Variants in GALR1 observed in about 807,000 individuals in gnomAD.
The protein encoded by GALR1 is galanin receptor 1.
Under a neutral mutation model 17.9 loss-of-function variants are expected in GALR1, and 11 were observed. That is an observed-to-expected ratio of 0.62 (90% CI 0.39 to 1.02). The LOEUF (loss-of-function observed/expected upper bound fraction) is 1.02, where lower values mean the gene tolerates loss of function less well. Among genes scored for constraint, GALR1 ranks in the 50% least tolerant of loss-of-function variants. The pLI is 0.01. For synonymous variants in GALR1, 206 were observed against 205.7 expected, an observed-to-expected ratio of 1.00 and a Z score of -0.01; for missense variants, 441 against 456.9, an observed-to-expected ratio of 0.97 and a Z score of 0.32.
chr18:77,265,558 T>C (rs1912927768), intron 2 of GALR1, among the ~76,000 whole-genome samples: 6 of 152,214 alleles, frequency 3.9e-5, no homozygotes, highest in Admixed American at 2.6e-4. Context: ...GGAGTCTGTG[T>C]GGGAGCTCTG....
In GALR1 at chr18:77,272,835, A is replaced by T. The variant is rs968698604; in HGVS notation, c.*3933A>T. The T allele has an allele frequency of 6.6e-6, 1 of 152,242 alleles. No individual in the cohort carries two copies. The highest frequency in any genetic ancestry group is 2.4e-5 in the African/African-American group (1 of 41,468). 9.4% of individuals were successfully genotyped at this position (152,242 alleles called of 1,614,324 possible). Reference sequence around the variant, plus strand: ...TGGCCTGGAAAGAACAAAATTATGAAATGGTAATTATATCTGATTTTATTT... The same window carrying T: ...TGGCCTGGAAAGAACAAAATTATGATATGGTAATTATATCTGATTTTATTT... On this transcript the variant is annotated 3_prime_UTR_variant, in exon 3 of 3. Coordinates refer to ENST00000299727, the MANE Select transcript of GALR1 (RefSeq NM_001480.4).
chr18:77,258,709 G>GATGGCCATGGTGGTGATGGTA, intron 2 of GALR1, among the ~76,000 whole-genome samples: 1 of 137,392 alleles, frequency 7.3e-6, no homozygotes, highest in African/African-American at 2.8e-5. Flanking sequence ...GTCATGTGAT[G>GATGGCCATGGTGGTGATGGTA]GTGGTGCTGG....
At chr18:77,258,789 T>TCAC (rs1912689209) in intron 2 of GALR1, among the ~76,000 whole-genome samples, 1 of 111,576 alleles carries the variant, frequency 9.0e-6, no homozygotes, top group Non-Finnish European at 1.9e-5. Context: ...GTGGTGGTGG[T>TCAC]GGTGGTGATG....
chr18:77,257,883 G>A lies in GALR1; in HGVS notation c.732+1660G>A, dbSNP rs567320388. Among the ~76,000 whole-genome samples the A allele has an allele frequency of 3.9e-5, 6 of 152,342 alleles. No individual in the cohort carries two copies. The South Asian group carries it at 8.3e-4, about 21-fold the overall frequency. ...GGATTGGGCTCGTCAAACTTTAACT[G>A]AGAAGACACCATTGATCTGTGATAA... On this transcript the variant is annotated intron_variant, in intron 2 of 2. Transcript: ENST00000299727.
rs1913137423 is a variant in GALR1, at chr18:77,275,416, G to A, written c.*6514G>A. 1 of 152,254 alleles carries A rather than the reference G, an allele frequency of 6.6e-6. No homozygotes were observed. Among genetic ancestry groups the A allele is most frequent in the Non-Finnish European group, 1.5e-5 (1 of 68,074 alleles). The allele number at this position is 152,254 out of a possible 1,614,324, so 9.4% of individuals were successfully genotyped here. A position where few individuals can be genotyped will look rare whatever the true frequency, so the allele number is the denominator to read the frequency against. On this transcript the variant is annotated 3_prime_UTR_variant, in exon 3 of 3. Transcript: ENST00000299727. ...TGCTCCTCTAAGGAGATTTGAGCAG[G>A]TGAATGGAGTTTCTGTCATTCCTGG... is the stretch of plus-strand genomic sequence containing the variant.
At position 77,272,070 on chromosome 18, in the gene GALR1, G is replaced by T. The variant is rs923303857; in HGVS notation, c.*3168G>T. The T allele has an allele frequency of 6.6e-6, 1 of 152,092 alleles. No homozygotes were observed. Among genetic ancestry groups the T allele is most frequent in the Non-Finnish European group, 1.5e-5 (1 of 68,018 alleles). 9.4% of individuals were successfully genotyped at this position (152,092 alleles called of 1,614,324 possible). On this transcript the variant is annotated 3_prime_UTR_variant, in exon 3 of 3. Transcript: ENST00000299727. ...ACACATTGGGAGTAAAACCATTTCC[G>T]CCCCATCCCAATCTCTTGTGCTTTT...
intron 2 of GALR1, among the ~76,000 whole-genome samples, chr18:77,265,678 T>C (rs1242473311): frequency 6.6e-6 from 1 of 152,204 alleles, no homozygotes; most frequent in Non-Finnish European, 1.5e-5. Context: ...TCCTCTGAAA[T>C]CTAGATGGAG....
Position 77,268,912 on chromosome 18 carries a change from G to A in GALR1, c.*10G>A, listed in dbSNP as rs1013468870. 1.8e-5 allele frequency: 29 copies of A among 1,595,890 alleles called. No individual in the cohort carries two copies. The highest frequency in any genetic ancestry group is 2.0e-5 in the Non-Finnish European group (23 of 1,165,414). The stretch of plus-strand genomic sequence containing the variant: ...TTGTACTCATGTGTGATAAAAGATA[G>A]AGTATCCTTATGGTTGAGTTTCCAT... On this transcript the variant is annotated 3_prime_UTR_variant, in exon 3 of 3. Coordinates refer to ENST00000299727, the MANE Select transcript of GALR1 (RefSeq NM_001480.4).
At chr18:77,261,067 C>T (rs916150833) in intron 2 of GALR1, among the ~76,000 whole-genome samples, 1 of 151,588 alleles carries the variant, frequency 6.6e-6, no homozygotes, top group Non-Finnish European at 1.5e-5. Flanking sequence ...TTCCATTAGA[C>T]ATATTGTGAG....
chr18:77,255,692 A>C (rs1423938357), intron 1 of GALR1, among the ~76,000 whole-genome samples: 5 of 152,240 alleles, frequency 3.3e-5, no homozygotes, highest in African/African-American at 1.2e-4. Flanking sequence ...TGCTTTCCGC[A>C]TCAGATGGTG....
Position 77,275,201 on chromosome 18 carries a change from G to A in GALR1, c.*6299G>A, listed in dbSNP as rs181210371. 4 of 152,402 alleles carry A rather than the reference G, an allele frequency of 2.6e-5. No individual in the cohort carries two copies. Among genetic ancestry groups the A allele is most frequent in the East Asian group, 1.9e-4 (1 of 5,184 alleles). 9.4% of individuals were successfully genotyped at this position (152,402 alleles called of 1,614,324 possible). A position where few individuals can be genotyped will look rare whatever the true frequency, so the allele number is the denominator to read the frequency against. On this transcript the variant is annotated 3_prime_UTR_variant, in exon 3 of 3. Coordinates refer to ENST00000299727, the MANE Select transcript of GALR1 (RefSeq NM_001480.4). ...ATCTCTGAGAATTCGTTCCCTGTGG[G>A]TGTCTGGGGTGCATCGTTACTTCTG...
rs1486514803 is a variant in GALR1 at position 77,273,368 on chromosome 18, A to C, written c.*4466A>C. ...ATAAGAAGGGAAGGTGGGGCCGGGC[A>C]TGTGACTTATGCCTGTAATCCCAGC... On this transcript the variant is annotated 3_prime_UTR_variant, in exon 3 of 3. Transcript: ENST00000299727. The C allele has an allele frequency of 6.6e-6, 1 of 152,332 alleles. No individual in the cohort carries two copies. The highest frequency in any genetic ancestry group is 6.5e-5 in the Admixed American group (1 of 15,280). The allele number at this position is 152,332 out of a possible 1,614,324, so 9.4% of individuals were successfully genotyped here. A position where few individuals can be genotyped will look rare whatever the true frequency, so the allele number is the denominator to read the frequency against.
Position 77,252,902 on chromosome 18 carries a change from C to CCAT in GALR1, c.666+1690_666+1691insTCA, listed in dbSNP as rs1568139018. Among the ~76,000 whole-genome samples, 160 of 47,202 alleles carry CCAT rather than the reference C, an allele frequency of 3.4e-3. 6 individuals carry two copies. The highest frequency in any genetic ancestry group is 6.9e-3 in the East Asian group (13 of 1,894). 31.0% of individuals were successfully genotyped at this position (47,202 alleles called of 152,430 possible). A position where few individuals can be genotyped will look rare whatever the true frequency, so the allele number is the denominator to read the frequency against. On this transcript the variant is annotated intron_variant, in intron 1 of 2. Transcript: ENST00000299727. ...ACCATCACCACCACCACCATCACCACCACCACCACCACCACCACCATCACC... is the reference window on the plus strand; with the variant it reads ...ACCATCACCACCACCACCATCACCACCATCACCACCACCACCACCACCATCACC...
rs1913064306 is a variant in GALR1, at chr18:77,271,498, A to G, written c.*2596A>G. The G allele has an allele frequency of 6.6e-6, 1 of 152,234 alleles. No individual in the cohort carries two copies. Among genetic ancestry groups the G allele is most frequent in the Admixed American group, 6.5e-5 (1 of 15,286 alleles). The allele number at this position is 152,234 out of a possible 1,614,324, so 9.4% of individuals were successfully genotyped here. The stretch of plus-strand genomic sequence containing the variant: ...AGAATGAAATTAACCAGAGAAGTAT[A>G]GGAGTGTGTTGCGTTTGCCAAGCAT... On this transcript the variant is annotated 3_prime_UTR_variant, in exon 3 of 3. Transcript: ENST00000299727.
chr18:77,254,610 T>C (rs1331259719), intron 1 of GALR1, among the ~76,000 whole-genome samples: 1 of 152,230 alleles, frequency 6.6e-6, no homozygotes, highest in Non-Finnish European at 1.5e-5. Flanking sequence ...TTGGGAAGGC[T>C]GCCACTGAGC....
In GALR1 at chr18:77,250,365, G is replaced by A. The variant is rs868717340; in HGVS notation, c.-184G>A. ...CTCTCTCAGAAGGTCCCGGCGCAAAGACGGTGCCACCAGGCACGGCCACCG... is the reference window on the plus strand; with the variant it reads ...CTCTCTCAGAAGGTCCCGGCGCAAAAACGGTGCCACCAGGCACGGCCACCG... On this transcript the variant is annotated 5_prime_UTR_variant, in exon 1 of 3. Coordinates refer to ENST00000299727, the MANE Select transcript of GALR1 (RefSeq NM_001480.4). Among the ~76,000 whole-genome samples the A allele has an allele frequency of 3.3e-4, 51 of 152,272 alleles. No individual in the cohort carries two copies. The highest frequency in any genetic ancestry group is 3.4e-3 in the Middle Eastern group (1 of 294).
chr18:77,252,929 C>CCACCACCAT (rs1912478073), intron 1 of GALR1, among the ~76,000 whole-genome samples: 1 of 34,490 alleles, frequency 2.9e-5, no homozygotes, highest in Non-Finnish European at 7.2e-5. Context: ...ACCATCACCA[C>CCACCACCAT]CACCACCACC....
Position 77,275,806 on chromosome 18 carries a change from G to A in GALR1, c.*6904G>A, listed in dbSNP as rs1486648848. ...CCTTCTAGAGAGAATTTCCTGGTAT[G>A]TCAATGTAGCTTCAGAAATAGGTCT... is the stretch of plus-strand genomic sequence containing the variant. On this transcript the variant is annotated 3_prime_UTR_variant, in exon 3 of 3. Transcript: ENST00000299727. 9 of 152,296 alleles carry A rather than the reference G, an allele frequency of 5.9e-5. No homozygotes were observed. Among genetic ancestry groups the A allele is most frequent in the African/African-American group, 2.2e-4 (9 of 41,560 alleles). The allele number at this position is 152,296 out of a possible 1,614,324, so 9.4% of individuals were successfully genotyped here. A position where few individuals can be genotyped will look rare whatever the true frequency, so the allele number is the denominator to read the frequency against.
chr18:77,266,171 CT>C (rs1461183770), intron 2 of GALR1, among the ~76,000 whole-genome samples: 1 of 152,180 alleles, frequency 6.6e-6, no homozygotes, highest in African/African-American at 2.4e-5. Flanking sequence ...TTCCACAGAT[CT>C]CTAGGGCAAG....
Sources: allele counts gnomAD v4.1 joint callset (sites outside exome capture counted in the v4.1 genomes callset), GRCh38; gene constraint gnomAD v4.1.1; transcripts MANE v1.5; gene names NCBI Gene and HGNC (gene_info 2026-07-23, HGNC 2026-07-21).